The following RABEP1 variants were observed in gnomAD, a reference collection of about 807,000 sequenced individuals.
The protein encoded by RABEP1 is rabaptin, RAB GTPase binding effector protein 1, also known as rab GTPase-binding effector protein 1.
RABEP1 carries 51 observed loss-of-function variants against 123.4 expected under a neutral mutation model. The observed-to-expected ratio is 0.41, with a 90% CI of 0.33 to 0.52. The LOEUF (loss-of-function observed/expected upper bound fraction) is 0.52, where lower values mean the gene tolerates loss of function less well. Among genes scored for constraint, RABEP1 ranks in the 20% least tolerant of loss-of-function variants. The pLI is 0.16. For synonymous variants in RABEP1, 347 were observed against 355.2 expected (o/e 0.98, Z 0.26); for missense variants, 888 against 996.3 (o/e 0.89, Z 1.46).
rs1909898454 is a variant in RABEP1, at chr17:5,365,076, T to C, written c.1669-46T>C. Reference sequence around the variant, plus strand: ...GAGTTAGATTTAAAAAAAAAAAAATTATAAAAGGATTCTGGTTTTTCTAAT... The same window carrying C: ...GAGTTAGATTTAAAAAAAAAAAAATCATAAAAGGATTCTGGTTTTTCTAAT... On this transcript the variant is annotated intron_variant, in intron 10 of 17. Coordinates refer to ENST00000537505, the MANE Select transcript of RABEP1 (RefSeq NM_004703.6). 2.3e-6 allele frequency: 3 copies of C among 1,306,218 alleles called. No individual in the cohort carries two copies. The African/African-American group carries it at 4.6e-5, about 20-fold the overall frequency. 80.9% of individuals were successfully genotyped at this position (1,306,218 alleles called of 1,614,324 possible). A position where few individuals can be genotyped will look rare whatever the true frequency, so the allele number is the denominator to read the frequency against.
intron 2 of RABEP1, among the ~76,000 whole-genome samples, chr17:5,330,330 T>C (rs968878929): frequency 1.3e-5 from 2 of 152,146 alleles, no homozygotes; most frequent in African/African-American, 2.4e-5. Context: ...ATTTTAAGAG[T>C]GATGGAAACT....
intron 1 of RABEP1, among the ~76,000 whole-genome samples, chr17:5,299,709 T>TTTTC (rs1555621897): frequency 2.9e-5 from 4 of 137,660 alleles, no homozygotes; most frequent in Admixed American, 1.5e-4. Context: ...TCTTTTTCTT[T>TTTTC]TTTTCTTTTC....
chr17:5,370,250 T>G (rs975003765), intron 12 of RABEP1, among the ~76,000 whole-genome samples: 1 of 152,230 alleles, frequency 6.6e-6, no homozygotes, highest in African/African-American at 2.4e-5. Context: ...TACGTATGTC[T>G]TGGTTTGTGT....
In RABEP1 at chr17:5,377,127, G is replaced by A. The variant is rs1567554395; in HGVS notation, c.2037G>A (p.Glu679=). ...TTTCTTGAATCCAGGCACTGCGGGA[G>A]TTGGTATTAAAATACCGTGAGGACA... ...ILPDTTEALR[E]LVLKYREDII... is the part of the protein sequence containing the mutation. Residue 679 remains glutamate, a synonymous_variant, in exon 14 of 18, where the codon GAG becomes GAA. Transcript: ENST00000537505. 1.9e-6 allele frequency: 3 copies of A among 1,597,704 alleles called. No individual in the cohort carries two copies. The highest frequency in any genetic ancestry group is 1.7e-6 in the Non-Finnish European group (2 of 1,176,024).
At chr17:5,370,605 C>G (rs573478234) in intron 12 of RABEP1, among the ~76,000 whole-genome samples, 1 of 152,120 alleles carries the variant, frequency 6.6e-6, no homozygotes, top group Admixed American at 6.6e-5. Context: ...ATTCATTTGT[C>G]TGATTATCTC....
Position 5,374,695 on chromosome 17 carries a change from A to G in RABEP1, c.2025+1241A>G, listed in dbSNP as rs527472436. On this transcript the variant is annotated intron_variant, in intron 13 of 17. Coordinates refer to ENST00000537505, the MANE Select transcript of RABEP1 (RefSeq NM_004703.6). The stretch of plus-strand genomic sequence containing the variant: ...TGCTCTGTCACCCAGGCTGGAGTGC[A>G]GTGGCGCAACCTAGGCTTACTGCAA... 1.3e-3 allele frequency among the ~76,000 whole-genome samples: 196 copies of G among 152,164 alleles called. 1 individual carries two copies. The highest frequency in any genetic ancestry group is 4.6e-3 in the African/African-American group (189 of 41,502).
intron 7 of RABEP1, among the ~76,000 whole-genome samples, chr17:5,351,115 G>C (rs1201608768): frequency 6.6e-6 from 1 of 151,280 alleles, no homozygotes; most frequent in East Asian, 1.9e-4. Flanking sequence ...TCTTCAGTGT[G>C]GCCCAGGGAA....
At chr17:5,377,796 G>A (rs1199745118) in intron 14 of RABEP1, among the ~76,000 whole-genome samples, 1 of 152,142 alleles carries the variant, frequency 6.6e-6, no homozygotes, top group Non-Finnish European at 1.5e-5. Context: ...CAAATGCTGG[G>A]ATTACAGTTG....
chr17:5,332,015 A>C lies in RABEP1; in HGVS notation c.230A>C (p.Gln77Pro), dbSNP rs1349160630. 1 of 1,614,116 alleles carries C rather than the reference A, an allele frequency of 6.2e-7. No homozygotes were observed. The highest frequency in any genetic ancestry group is 8.5e-7 in the Non-Finnish European group (1 of 1,180,016). ...AQDDLGHLRT[Q>P]LWEAQAEMEN... is the part of the protein sequence containing the mutation. ...GATGATTTGGGACACCTTCGAACCCAGCTGTGGGAAGCTCAAGCAGAGATG... is the reference window on the plus strand; with the variant it reads ...GATGATTTGGGACACCTTCGAACCCCGCTGTGGGAAGCTCAAGCAGAGATG... The change falls in exon 3 of 18, where the codon CAG (glutamine) becomes CCG (proline). Residue 77 changes from glutamine (Q) to proline (P), a missense_variant. Coordinates refer to ENST00000537505, the MANE Select transcript of RABEP1 (RefSeq NM_004703.6).
At chr17:5,364,888 GAGA>G (rs761007131) in intron 10 of RABEP1, among the ~76,000 whole-genome samples, 5 of 152,086 alleles carry the variant, frequency 3.3e-5, no homozygotes, top group Non-Finnish European at 5.9e-5. Context: ...GGATCTGAGG[GAGA>G]AGCAGATGTT....
intron 1 of RABEP1, among the ~76,000 whole-genome samples, chr17:5,290,845 C>T (rs1181934902): frequency 1.3e-5 from 2 of 152,000 alleles, no homozygotes; most frequent in Admixed American, 6.6e-5. Context: ...ATCTGCCCAC[C>T]TCGGCCTACA....
Position 5,385,287 on chromosome 17 carries a change from G to C in RABEP1, c.*2064G>C, listed in dbSNP as rs1285913718. 4.3e-6 allele frequency: 1 copy of C among 230,728 alleles called. No homozygotes were observed. Among genetic ancestry groups the C allele is most frequent in the East Asian group, 6.2e-5 (1 of 16,190 alleles). The allele number at this position is 230,728 out of a possible 1,614,324, so 14.3% of individuals were successfully genotyped here. A position where few individuals can be genotyped will look rare whatever the true frequency, so the allele number is the denominator to read the frequency against. On this transcript the variant is annotated 3_prime_UTR_variant, in exon 18 of 18. Coordinates refer to ENST00000537505, the MANE Select transcript of RABEP1 (RefSeq NM_004703.6). Reference sequence around the variant, plus strand: ...GCATAAATGGGAACTGATGTAGAAGGCAGGATTTAGCCCTTCTAGGCAAAA... The same window carrying C: ...GCATAAATGGGAACTGATGTAGAAGCCAGGATTTAGCCCTTCTAGGCAAAA...
chr17:5,307,283 A>G (rs980652707), intron 1 of RABEP1, among the ~76,000 whole-genome samples: 1 of 152,248 alleles, frequency 6.6e-6, no homozygotes, highest in African/African-American at 2.4e-5. Context: ...GCCCCACTGC[A>G]CTGTAGCCTG....
At chr17:5,323,213 A>G (rs898682862) in intron 2 of RABEP1, among the ~76,000 whole-genome samples, 9 of 152,202 alleles carry the variant, frequency 5.9e-5, no homozygotes, top group African/African-American at 2.2e-4. Context: ...ACCTCAAAAT[A>G]ATGAAGGCCA....
At chr17:5,313,622 T>G (rs1396711584) in intron 2 of RABEP1, among the ~76,000 whole-genome samples, 1 of 152,224 alleles carries the variant, frequency 6.6e-6, no homozygotes, top group Non-Finnish European at 1.5e-5. Flanking sequence ...TAACATGGGT[T>G]GGTTCAGAAA....
rs1185209680 is a variant in RABEP1 at position 5,294,633 on chromosome 17, C to CTTTTTTTTTTTTTTTT, written c.34+12130_34+12145dup. On this transcript the variant is annotated intron_variant, in intron 1 of 17. Coordinates refer to ENST00000537505, the MANE Select transcript of RABEP1 (RefSeq NM_004703.6). ...AGATACTGAGGGAAAACGGTATTGT[C>CTTTTTTTTTTTTTTTT]TTTTTTTTTTTTTTTTTTTTTTTTT... 3.6e-4 allele frequency among the ~76,000 whole-genome samples: 19 copies of CTTTTTTTTTTTTTTTT among 53,028 alleles called. 7 individuals carry two copies. Among genetic ancestry groups the CTTTTTTTTTTTTTTTT allele is most frequent in the Admixed American group, 1.0e-3 (3 of 2,882 alleles). 34.8% of individuals were successfully genotyped at this position (53,028 alleles called of 152,430 possible).
chr17:5,285,664 G>A (rs1319461573), intron 1 of RABEP1, among the ~76,000 whole-genome samples: 1 of 152,150 alleles, frequency 6.6e-6, no homozygotes, highest in East Asian at 1.9e-4. Flanking sequence ...AATCTTCATA[G>A]CAATGGTACT....
chr17:5,331,055 T>TA (rs61075606), intron 2 of RABEP1, among the ~76,000 whole-genome samples: 1 of 67,948 alleles, frequency 1.5e-5, no homozygotes, highest in East Asian at 8.4e-4. Flanking sequence ...TTTTTTTTTT[T>TA]AAAGAAACAC....
chr17:5,299,286 C>T (rs940867356), intron 1 of RABEP1, among the ~76,000 whole-genome samples: 1 of 151,954 alleles, frequency 6.6e-6, no homozygotes, highest in African/African-American at 2.4e-5. Context: ...CTGCCCTGGA[C>T]CTGGAATTGG....
Sources: allele counts gnomAD v4.1 joint callset (sites outside exome capture counted in the v4.1 genomes callset), GRCh38; gene constraint gnomAD v4.1.1; transcripts MANE v1.5; gene names NCBI Gene and HGNC (gene_info 2026-07-23, HGNC 2026-07-21).